The following CPT1A variants were observed in gnomAD, a reference collection of about 807,000 sequenced individuals.
The protein encoded by CPT1A is carnitine palmitoyltransferase 1A.
Under a neutral mutation model 100.8 loss-of-function variants are expected in CPT1A, and 64 were observed. The observed-to-expected ratio is 0.63, with a 90% confidence interval of 0.52 to 0.78. The LOEUF is 0.78. CPT1A is among the 30% of genes least tolerant of loss of function. CPT1A has a pLI of 0.00. For synonymous variants in CPT1A, 363 were observed against 396.0 expected (o/e 0.92, Z 0.99); for missense variants, 802 against 1,034.1 (o/e 0.78, Z 3.08).
chr11:68,816,474 ATCCCCT>A (rs1856392094), intron 1 of CPT1A, among the ~76,000 whole-genome samples: 1 of 152,144 alleles, frequency 6.6e-6, no homozygotes, highest in Non-Finnish European at 1.5e-5. Flanking sequence ...TGGGGAGAGC[ATCCCCT>A]GGCCGGCTGC....
chr11:68,774,509 C>T (rs1455511101), intron 13 of CPT1A, among the ~76,000 whole-genome samples: 2 of 151,732 alleles, frequency 1.3e-5, no homozygotes, highest in Non-Finnish European at 2.9e-5. Flanking sequence ...GTGGCACCAT[C>T]GCTGCTCACT....
intron 14 of CPT1A, among the ~76,000 whole-genome samples, chr11:68,771,041 G>A (rs1223950504): frequency 6.6e-6 from 1 of 152,214 alleles, no homozygotes; most frequent in Non-Finnish European, 1.5e-5. Flanking sequence ...ACAGTGGCTG[G>A]TGCCCCTTGC....
intron 9 of CPT1A, among the ~76,000 whole-genome samples, chr11:68,788,630 T>TAAAAAAAA: frequency 8.3e-4 from 23 of 27,546 alleles, no homozygotes; most frequent in Non-Finnish European, 9.3e-4. Context: ...CAAACAAAAG[T>TAAAAAAAA]AAAAAAAAAA....
chr11:68,759,503 T>C, intron 18 of CPT1A, 66 bp downstream of exon 18: 3 of 1,036,058 alleles, frequency 2.9e-6, no homozygotes, highest in East Asian at 2.4e-5. Context: ...TAAAGATGTG[T>C]TTCCTTAAAA....
In CPT1A at chr11:68,810,931, G is replaced by A. The variant is rs547096973; in HGVS notation, c.281+1506C>T. Among the ~76,000 whole-genome samples the A allele has an allele frequency of 3.9e-5, 6 of 152,204 alleles. 1 individual carries two copies. Among genetic ancestry groups the A allele is most frequent in the African/African-American group, 1.4e-4 (6 of 41,538 alleles). On this transcript the variant is annotated intron_variant, in intron 3 of 18. Transcript: ENST00000265641. ...ACCCGGGAGGCGGAGGTTGCAGTGAGCCGAGATCGCACCATCGCACTCCAG... is the reference window on the plus strand; with the variant it reads ...ACCCGGGAGGCGGAGGTTGCAGTGAACCGAGATCGCACCATCGCACTCCAG...
At chr11:68,814,183 T>C (rs1856309018) in intron 2 of CPT1A, among the ~76,000 whole-genome samples, 1 of 150,546 alleles carries the variant, frequency 6.6e-6, no homozygotes, top group African/African-American at 2.5e-5. Context: ...ATGTTTAAAA[T>C]AAATTAAAAT....
rs959723300 is a variant in CPT1A at position 68,784,913 on chromosome 11, C to T, written c.1065G>A (p.Lys355=). The T allele has an allele frequency of 6.2e-7, 1 of 1,614,130 alleles. No homozygotes were observed. Among genetic ancestry groups the T allele is most frequent in the South Asian group, 1.1e-5 (1 of 91,084 alleles). ...VWLYHDGRLL[K]PREMEQQMQR... Reference sequence around the variant, plus strand: ...GCATCTGCTGCTCCATCTCCCGGGGCTTCAGCAGCCGCCCATCATGGTAGA... The same window carrying T: ...GCATCTGCTGCTCCATCTCCCGGGGTTTCAGCAGCCGCCCATCATGGTAGA... Residue 355 remains lysine, a synonymous_variant, in exon 10 of 19, where the codon AAG becomes AAA. Coordinates refer to ENST00000265641, the MANE Select transcript of CPT1A (RefSeq NM_001876.4).
At chr11:68,780,551 T>A in intron 12 of CPT1A, 89 bp downstream of exon 12, 1 of 1,159,404 alleles carries the variant, frequency 8.6e-7, no homozygotes, top group East Asian at 2.4e-5. Flanking sequence ...CCCAAAGTGC[T>A]GGGATTACAG....
At chr11:68,770,627 G>C (rs1854961579) in intron 14 of CPT1A, among the ~76,000 whole-genome samples, 1 of 152,212 alleles carries the variant, frequency 6.6e-6, no homozygotes, top group African/African-American at 2.4e-5. Flanking sequence ...TAGGATCTGT[G>C]AAACTCACTA....
rs59753299 is a variant in CPT1A at position 68,803,712 on chromosome 11, AAAAATAAAAT to A, written c.555+278_555+287del. On this transcript the variant is annotated intron_variant, in intron 5 of 18. Transcript: ENST00000265641. Reference sequence around the variant, plus strand: ...GGTGACAGAGGGAGAGTCCATCACAAAAAATAAAATAAAATAAAATAAAATAAAATAAAAT... The same window carrying A: ...GGTGACAGAGGGAGAGTCCATCACAAAAAATAAAATAAAATAAAATAAAAT... Among the ~76,000 whole-genome samples, 8,516 of 143,676 alleles carry A rather than the reference AAAAATAAAAT, an allele frequency of 0.059. 315 individuals are homozygous for A. The highest frequency in any genetic ancestry group is 0.07 in the Non-Finnish European group (4,649 of 66,864). The allele number at this position is 143,676 out of a possible 152,430, so 94.3% of individuals were successfully genotyped here.
chr11:68,832,360 G>C (rs926616615), intron 1 of CPT1A, among the ~76,000 whole-genome samples: 2 of 152,304 alleles, frequency 1.3e-5, no homozygotes, highest in African/African-American at 2.4e-5. Flanking sequence ...TGAGACAGGA[G>C]AATTTCTTGA....
In CPT1A at chr11:68,761,600, G is replaced by C; in HGVS notation, c.1963C>G (p.Arg655Gly). Residue 655 changes from arginine (R) to glycine (G), a missense_variant, in exon 16 of 19, where the codon CGT (arginine) becomes GGT (glycine). Physicochemically the swap from Arg to Gly is moderately radical, Grantham distance 125. This residue lies in a region of CPT1A where 627 missense variants were observed against 799.3 expected (regional missense o/e 0.78). Coordinates refer to ENST00000265641, the MANE Select transcript of CPT1A (RefSeq NM_001876.4). ...ACCACGTAAAGGCAGAAGAGGTGAC[G>C]ATCGATCCCAGAGCCGGTCATGGCG... ...RLAMTGSGID[R>G]HLFCLYVVSK... 2 of 1,614,032 alleles carry C rather than the reference G, an allele frequency of 1.2e-6. No individual in the cohort carries two copies. Among genetic ancestry groups the C allele is most frequent in the South Asian group, 2.2e-5 (2 of 91,066 alleles).
chr11:68,800,411 T>C (rs1594350647), intron 5 of CPT1A, among the ~76,000 whole-genome samples: 1 of 148,680 alleles, frequency 6.7e-6, no homozygotes, highest in East Asian at 2.0e-4. Flanking sequence ...GAGGCTGAGG[T>C]ATGAAGAGTG....
chr11:68,807,810 A>G (rs534663261), intron 3 of CPT1A, among the ~76,000 whole-genome samples, 172 bp from the exon 4 acceptor site: 2 of 152,148 alleles, frequency 1.3e-5, no homozygotes, highest in Non-Finnish European at 2.9e-5. Context: ...TAAAACACTC[A>G]CGGGCACTCT....
intron 7 of CPT1A, 47 bp downstream of exon 7, chr11:68,796,809 C>G (rs561158094): frequency 1.3e-6 from 2 of 1,588,844 alleles, no homozygotes; most frequent in Non-Finnish European, 1.7e-6. Context: ...GACAGACCCG[C>G]CGCCCCACCG....
At chr11:68,806,329 C>G (rs1195789102) in intron 4 of CPT1A, among the ~76,000 whole-genome samples, 1 of 152,112 alleles carries the variant, frequency 6.6e-6, no homozygotes, top group Non-Finnish European at 1.5e-5. Flanking sequence ...ATGCCCAGCC[C>G]CCATAAAAAC....
intron 1 of CPT1A, among the ~76,000 whole-genome samples, chr11:68,819,882 G>T (rs1242114686): frequency 6.6e-6 from 1 of 152,186 alleles, no homozygotes; most frequent in African/African-American, 2.4e-5. Context: ...TCCAACAAGG[G>T]CCAGAGGAGC....
Position 68,760,225 on chromosome 11 carries a change from C to G in CPT1A, c.2142G>C (p.Pro714=), listed in dbSNP as rs150792109. 7 of 1,605,118 alleles carry G rather than the reference C, an allele frequency of 4.4e-6. No homozygotes were observed. The highest frequency in any genetic ancestry group is 6.0e-6 in the Non-Finnish European group (7 of 1,175,680). The stretch of plus-strand genomic sequence containing the variant: ...CCTCGCCCAGCCCCGCCGCACTCAC[C>G]GGTCCAAAGCCCCCTCCGCTGGACA... The part of the protein sequence containing the change: ...EYVSSGGGFG[P]VADDGYGVSY... Residue 714 remains proline (P), a splice_region_variant and synonymous_variant, in exon 17 of 19, where the codon CCG becomes CCC. Transcript: ENST00000265641.
chr11:68,761,315 G>A (rs543756189), intron 16 of CPT1A, among the ~76,000 whole-genome samples: 5 of 150,826 alleles, frequency 3.3e-5, no homozygotes, highest in African/African-American at 9.8e-5. Context: ...CGAGGTCTTC[G>A]GGTCTATTAA....
Sources: allele counts gnomAD v4.1 joint callset (sites outside exome capture counted in the v4.1 genomes callset), GRCh38; gene constraint gnomAD v4.1.1; regional missense constraint gnomAD v4.1.1; transcripts MANE v1.5; gene names NCBI Gene and HGNC (gene_info 2026-07-23, HGNC 2026-07-21).